THSD7A: variants seen among roughly 807,000 people sequenced by gnomAD.
THSD7A encodes the protein thrombospondin type 1 domain containing 7A, also known as thrombospondin type-1 domain-containing protein 7A.
Under a neutral mutation model 231.3 loss-of-function variants are expected in THSD7A, and 96 were observed. The observed-to-expected ratio is 0.41, with a 90% CI of 0.35 to 0.49. The LOEUF is 0.49. THSD7A is among the 20% of genes least tolerant of loss of function. THSD7A has a pLI of 0.05. For missense variants in THSD7A, 2,290 were observed against 2,070.2 expected (o/e 1.11, Z -2.06); for synonymous variants, 940 against 743.3 (o/e 1.26, Z -4.30).
At chr7:11,719,029 G>T (rs1583220975) in intron 1 of THSD7A, among the ~76,000 whole-genome samples, 1 of 151,584 alleles carries the variant, frequency 6.6e-6, no homozygotes, top group Non-Finnish European at 1.5e-5. Context: ...GCAGGACTAT[G>T]TATTTTCTCT....
At chr7:11,591,470 G>A (rs1013366) in intron 3 of THSD7A, among the ~76,000 whole-genome samples, 2 of 151,974 alleles carry the variant, frequency 1.3e-5, no homozygotes, top group East Asian at 3.9e-4. Flanking sequence ...TCACTTTAAC[G>A]AAGATGCTTC....
chr7:11,543,189 T>C (rs1213854127), intron 4 of THSD7A, 72 bp from the exon 5 acceptor site: 1 of 1,426,160 alleles, frequency 7.0e-7, no homozygotes. Context: ...ATGATTTTTC[T>C]GTGTGTATGG....
chr7:11,689,406 G>A (rs1780162681), intron 1 of THSD7A, among the ~76,000 whole-genome samples: 1 of 151,830 alleles, frequency 6.6e-6, no homozygotes, highest in African/African-American at 2.4e-5. Flanking sequence ...AGTACAGAGA[G>A]TAGAAACCAC....
At chr7:11,829,186 G>C (rs141786136) in intron 1 of THSD7A, among the ~76,000 whole-genome samples, 108 of 152,086 alleles carry the variant, frequency 7.1e-4, no homozygotes, top group African/African-American at 2.5e-3. Flanking sequence ...GAAGTCAAAA[G>C]TTATACATAA....
At chr7:11,762,618 T>A (rs544537619) in intron 1 of THSD7A, among the ~76,000 whole-genome samples, 1 of 152,172 alleles carries the variant, frequency 6.6e-6, no homozygotes, top group African/African-American at 2.4e-5. Flanking sequence ...TTAAGTTCCT[T>A]ATAAGTTCTG....
intron 1 of THSD7A, among the ~76,000 whole-genome samples, chr7:11,817,641 A>T (rs1784746157): frequency 6.6e-6 from 1 of 152,226 alleles, no homozygotes; most frequent in South Asian, 2.1e-4. Context: ...GATTATAGCC[A>T]AGTAAGGGAT....
intron 1 of THSD7A, among the ~76,000 whole-genome samples, chr7:11,679,181 T>C (rs1229662782): frequency 1.3e-5 from 2 of 152,148 alleles, no homozygotes; most frequent in African/African-American, 4.8e-5. Context: ...ATAAACAAGG[T>C]GTTGATGTAA....
chr7:11,810,049 C>CA (rs371591548), intron 1 of THSD7A, among the ~76,000 whole-genome samples: 2 of 152,098 alleles, frequency 1.3e-5, no homozygotes, highest in African/African-American at 4.8e-5. Context: ...CTCAAGCAGA[C>CA]AATCCTATGG....
intron 4 of THSD7A, among the ~76,000 whole-genome samples, chr7:11,552,819 A>G (rs1173290249): frequency 6.6e-6 from 1 of 152,102 alleles, no homozygotes; most frequent in Non-Finnish European, 1.5e-5. Flanking sequence ...ATTAGGGCTG[A>G]GCAGCCAGCC....
chr7:11,443,277 C>T (rs939468958), intron 13 of THSD7A, among the ~76,000 whole-genome samples: 1 of 152,020 alleles, frequency 6.6e-6, no homozygotes, highest in Non-Finnish European at 1.5e-5. Context: ...AAAATAAACA[C>T]ATCTTTTAAG....
chr7:11,632,994 C>G lies in THSD7A; in HGVS notation c.1022+3136G>C, dbSNP rs1330622965. Among the ~76,000 whole-genome samples, 1 of 152,152 alleles carries G rather than the reference C, an allele frequency of 6.6e-6. No homozygotes were observed. Among genetic ancestry groups the G allele is most frequent in the African/African-American group, 2.4e-5 (1 of 41,438 alleles). The stretch of plus-strand genomic sequence containing the variant: ...AATTAGTTTATTTGATGTTCTCAAA[C>G]TGTTCTCTATGTCATTGACTCTTTT... On this transcript the variant is annotated intron_variant, in intron 2 of 27. Coordinates refer to ENST00000423059, the MANE Select transcript of THSD7A (RefSeq NM_015204.3). The surrounding 1 kb of genome is among the most constrained non-coding windows in gnomAD (Gnocchi z 4.1).
chr7:11,406,082 G>T lies in THSD7A; in HGVS notation c.4237+218C>A, dbSNP rs757080318. ...TGCAGATGTTAAAACTCCAGAGGGT[G>T]TTGAGAGGCCACATGGGAGACCTGG... is the stretch of plus-strand genomic sequence containing the variant. On this transcript the variant is annotated intron_variant, in intron 22 of 27. Transcript: ENST00000423059. This position sits in a 1 kb window ranked among gnomAD's most constrained non-coding sequence, Gnocchi z 4.7. 1.1e-4 allele frequency among the ~76,000 whole-genome samples: 16 copies of T among 152,184 alleles called. No individual in the cohort carries two copies. Among genetic ancestry groups the T allele is most frequent in the South Asian group, 2.1e-4 (1 of 4,832 alleles).
chr7:11,540,782 A>G lies in THSD7A; in HGVS notation c.1822+637T>C, dbSNP rs139930598. Among the ~76,000 whole-genome samples, 587 of 152,314 alleles carry G rather than the reference A, an allele frequency of 3.9e-3. 1 individual carries two copies. Among genetic ancestry groups the G allele is most frequent in the Admixed American group, 6.1e-3 (93 of 15,294 alleles). Reference sequence around the variant, plus strand: ...CAAGACAGTATATTTTATCAAACAAATATTAGTTGTAAAAGTCCAAGGTAA... The same window carrying G: ...CAAGACAGTATATTTTATCAAACAAGTATTAGTTGTAAAAGTCCAAGGTAA... On this transcript the variant is annotated intron_variant, in intron 6 of 27. Transcript: ENST00000423059.
chr7:11,399,345 CTTTAT>C (rs1783310954), intron 23 of THSD7A, among the ~76,000 whole-genome samples: 1 of 152,024 alleles, frequency 6.6e-6, no homozygotes, highest in Non-Finnish European at 1.5e-5. Context: ...TTTTTCTAAA[CTTTAT>C]TTTATTTATG....
intron 6 of THSD7A, among the ~76,000 whole-genome samples, chr7:11,530,389 T>C (rs1334731607): frequency 6.6e-6 from 1 of 152,132 alleles, no homozygotes; most frequent in Non-Finnish European, 1.5e-5. Context: ...AGTCATTTCT[T>C]GAAAATATGT....
intron 4 of THSD7A, among the ~76,000 whole-genome samples, chr7:11,555,988 T>C (rs1387446908): frequency 6.6e-6 from 1 of 151,852 alleles, no homozygotes; most frequent in African/African-American, 2.4e-5. Context: ...AGTGAGTTTC[T>C]TGTAGAATGT....
chr7:11,662,757 CAA>C (rs939102779), intron 1 of THSD7A, among the ~76,000 whole-genome samples: 3 of 151,186 alleles, frequency 2.0e-5, no homozygotes, highest in African/African-American at 7.3e-5. Context: ...AAATCAATAA[CAA>C]AGAGACAAGT....
chr7:11,737,255 T>G (rs1319462603), intron 1 of THSD7A, among the ~76,000 whole-genome samples: 1 of 151,986 alleles, frequency 6.6e-6, no homozygotes, highest in Non-Finnish European at 1.5e-5. Context: ...CAGATCAGAC[T>G]GAGAGAACTG....
At chr7:11,773,362 G>C (rs1421815907) in intron 1 of THSD7A, among the ~76,000 whole-genome samples, 1 of 152,050 alleles carries the variant, frequency 6.6e-6, no homozygotes, top group African/African-American at 2.4e-5. Flanking sequence ...GAGAAACCCT[G>C]TCTCTACTAA....
Sources: allele counts gnomAD v4.1 joint callset (sites outside exome capture counted in the v4.1 genomes callset), GRCh38; gene constraint gnomAD v4.1.1; non-coding constraint Gnocchi (gnomAD v3.1); transcripts MANE v1.5; gene names NCBI Gene and HGNC (gene_info 2026-07-23, HGNC 2026-07-21).